The following AGBL1 variants were observed in gnomAD, a reference collection of about 807,000 sequenced individuals.
The protein encoded by AGBL1 is cytosolic carboxypeptidase 4.
AGBL1 carries 130 observed loss-of-function variants against 118.9 expected under a neutral mutation model. The observed-to-expected ratio is 1.09, with a 90% CI of 0.95 to 1.26. The LOEUF (loss-of-function observed/expected upper bound fraction) is 1.26. Among genes scored for constraint, AGBL1 ranks in the 50% most tolerant of loss-of-function variants. AGBL1 has a pLI of 0.00. For missense variants in AGBL1, 1,584 were observed against 1,298.1 expected (o/e 1.22, Z -3.38); for synonymous variants, 555 against 478.9 (o/e 1.16, Z -2.08).
At chr15:86,455,116 G>C (rs186245589) in intron 18 of AGBL1, among the ~76,000 whole-genome samples, 1 of 152,240 alleles carries the variant, frequency 6.6e-6, no homozygotes, top group African/African-American at 2.4e-5. Context: ...CTCTCCCTGG[G>C]AGAATAGCAG....
At chr15:86,972,991 A>T (rs1294001895) in intron 23 of AGBL1, among the ~76,000 whole-genome samples, 1 of 151,866 alleles carries the variant, frequency 6.6e-6, no homozygotes, top group East Asian at 1.9e-4. Flanking sequence ...AGAACAAAGA[A>T]TTTGGATCAG....
At chr15:86,232,649 C>G (rs1326730902) in intron 6 of AGBL1, among the ~76,000 whole-genome samples, 2 of 152,084 alleles carry the variant, frequency 1.3e-5, no homozygotes, top group Non-Finnish European at 2.9e-5. Flanking sequence ...TCGGGACTTA[C>G]GGAGGGCAGG....
intron 17 of AGBL1, among the ~76,000 whole-genome samples, chr15:86,306,196 A>G (rs1004066121): frequency 6.6e-6 from 1 of 152,106 alleles, no homozygotes; most frequent in Admixed American, 6.6e-5. Context: ...TTATTTCAAA[A>G]TATACAATTA....
intron 21 of AGBL1, among the ~76,000 whole-genome samples, chr15:86,573,248 A>G (rs981964549): frequency 7.2e-5 from 11 of 152,252 alleles, no homozygotes; most frequent in South Asian, 4.1e-4. Context: ...TATCCATTCA[A>G]GAAACGTTTT....
intron 1 of AGBL1, among the ~76,000 whole-genome samples, chr15:86,136,451 G>T (rs1174712948): frequency 1.3e-5 from 2 of 152,204 alleles, no homozygotes; most frequent in African/African-American, 4.8e-5. Flanking sequence ...AGCAGCCCTG[G>T]AGTTGTGCAG....
intron 22 of AGBL1, among the ~76,000 whole-genome samples, chr15:86,745,883 G>C (rs547732754): frequency 6.6e-6 from 1 of 151,992 alleles, no homozygotes; most frequent in Admixed American, 6.6e-5. Context: ...AATAGATTTG[G>C]GACAGAAACT....
downstream of AGBL1, among the ~76,000 whole-genome samples, chr15:86,917,003 C>T (rs1019434818): frequency 2.0e-5 from 3 of 152,260 alleles, no homozygotes; most frequent in African/African-American, 7.2e-5. The surrounding 1 kb of genome is among the most constrained non-coding windows in gnomAD (Gnocchi z 4.8). Flanking sequence ...ACAGGAAGAC[C>T]TAAAGGAGGG....
chr15:86,334,705 G>A (rs2080331515), intron 17 of AGBL1, among the ~76,000 whole-genome samples: 1 of 151,390 alleles, frequency 6.6e-6, no homozygotes, highest in African/African-American at 2.4e-5. Flanking sequence ...AATAGCCAAA[G>A]CAATCGTAAG....
At chr15:86,091,043 T>C (rs1204352488) in intron 1 of AGBL1, among the ~76,000 whole-genome samples, 1 of 152,180 alleles carries the variant, frequency 6.6e-6, no homozygotes, top group East Asian at 1.9e-4. Flanking sequence ...GGCTGGGCTT[T>C]AGGAAGGCCA....
chr15:86,298,370 GAATATATTCTTATA>G (rs2079691843), intron 17 of AGBL1, among the ~76,000 whole-genome samples: 1 of 130,204 alleles, frequency 7.7e-6, no homozygotes, highest in Non-Finnish European at 1.6e-5. Flanking sequence ...ATATATATAT[GAATATATTCTTATA>G]TATATATGAA....
Position 86,264,656 on chromosome 15 carries a change from A to G in AGBL1, c.1485A>G (p.Ile495Met), listed in dbSNP as rs2079044889. 6.2e-6 allele frequency: 10 copies of G among 1,613,884 alleles called. No homozygotes were observed. The highest frequency in any genetic ancestry group is 1.1e-5 in the South Asian group (1 of 91,070). Reference sequence around the variant, plus strand: ...GGACTAGAGAAGTTGTCAAAGTAATAGATAAGCTTCTGCAGACACATCTGA... The same window carrying G: ...GGACTAGAGAAGTTGTCAAAGTAATGGATAAGCTTCTGCAGACACATCTGA... ...STRTREVVKVIDKLLQTHLKR... is the reference protein window; with the variant it reads ...STRTREVVKVMDKLLQTHLKR... The change falls in exon 11 of 23, where the codon ATA becomes ATG. Residue 495 changes from isoleucine (I) to methionine (M), a missense_variant. Physicochemically the swap from Ile to Met is conservative, Grantham distance 10. Coordinates refer to ENST00000614907, the MANE Select transcript of AGBL1 (RefSeq NM_001386094.1).
At chr15:86,494,054 C>T (rs766347536) in intron 18 of AGBL1, among the ~76,000 whole-genome samples, 35 of 152,054 alleles carry the variant, frequency 2.3e-4, no homozygotes, top group Non-Finnish European at 4.3e-4. Flanking sequence ...GAACCCTTGA[C>T]GCTCACTGAC....
chr15:86,539,963 A>G (rs1189646362), intron 19 of AGBL1, among the ~76,000 whole-genome samples: 1 of 152,188 alleles, frequency 6.6e-6, no homozygotes, highest in Non-Finnish European at 1.5e-5. Flanking sequence ...GTAATATAGA[A>G]ATGAAAAGTG....
chr15:86,080,864 C>G (rs150248593), intron 1 of AGBL1, among the ~76,000 whole-genome samples: 41 of 151,166 alleles, frequency 2.7e-4, no homozygotes, highest in African/African-American at 9.5e-4. Context: ...CAAAAAGGCC[C>G]AAGGGGTCTT....
chr15:86,608,863 CAT>C (rs1478083647), intron 21 of AGBL1, among the ~76,000 whole-genome samples: 5 of 152,260 alleles, frequency 3.3e-5, no homozygotes, highest in African/African-American at 1.2e-4. Context: ...CATCATGAAA[CAT>C]ATCTATAAAT....
intron 24 of AGBL1, among the ~76,000 whole-genome samples, chr15:87,019,093 C>G (rs1045223348): frequency 2.6e-5 from 4 of 152,102 alleles, no homozygotes; most frequent in African/African-American, 9.7e-5. Context: ...TATATGCACT[C>G]AATACATGAG....
chr15:86,815,433 G>A (rs1752656591), intron 22 of AGBL1, among the ~76,000 whole-genome samples: 2 of 152,210 alleles, frequency 1.3e-5, no homozygotes, highest in Non-Finnish European at 2.9e-5. Flanking sequence ...TGCAAGGAGT[G>A]GGGGTAAAAA....
intron 18 of AGBL1, among the ~76,000 whole-genome samples, chr15:86,492,160 G>A (rs921489853): frequency 4.6e-5 from 7 of 152,088 alleles, no homozygotes; most frequent in African/African-American, 1.4e-4. Context: ...ATGGAGTGAT[G>A]CAAGCATATA....
At chr15:86,136,900 A>T (rs888091919) in intron 1 of AGBL1, among the ~76,000 whole-genome samples, 5 of 152,122 alleles carry the variant, frequency 3.3e-5, no homozygotes, top group African/African-American at 1.2e-4. Flanking sequence ...TGTTCTTCCA[A>T]CTCCAACTCC....
Sources: allele counts gnomAD v4.1 joint callset (sites outside exome capture counted in the v4.1 genomes callset), GRCh38; gene constraint gnomAD v4.1.1; non-coding constraint Gnocchi (gnomAD v3.1); transcripts MANE v1.5; gene names NCBI Gene and HGNC (gene_info 2026-07-23, HGNC 2026-07-21).